The following COL14A1 variants were observed in gnomAD, a reference collection of about 807,000 sequenced individuals.
COL14A1 encodes the protein collagen type XIV alpha 1 chain.
In COL14A1, 136 loss-of-function variants were observed where a neutral mutation model predicts 230.3. The observed-to-expected ratio is 0.59, with a 90% CI of 0.51 to 0.68. COL14A1 has a LOEUF of 0.68. Ranked by LOEUF, COL14A1 falls within the 30% of genes least tolerant of loss-of-function variation. The pLI is 0.00. For missense variants in COL14A1, 1,976 were observed against 2,215.8 expected, an observed-to-expected ratio of 0.89 and a Z score of 2.17; for synonymous variants, 792 against 784.1, an observed-to-expected ratio of 1.01 and a Z score of -0.17.
intron 5 of COL14A1, among the ~76,000 whole-genome samples, chr8:120,194,722 C>T (rs2130701689): frequency 6.6e-6 from 1 of 152,114 alleles, no homozygotes; most frequent in African/African-American, 2.4e-5. Context: ...CACATGGTTC[C>T]CAATTAATTT....
Position 120,345,486 on chromosome 8 carries a change from C to A in COL14A1, c.5000C>A (p.Ala1667Asp), listed in dbSNP as rs746685189. The A allele has an allele frequency of 7.5e-6, 12 of 1,604,788 alleles. No homozygotes were observed. The highest frequency in any genetic ancestry group is 1.0e-5 in the Non-Finnish European group (12 of 1,175,936). ...CCTGGGAGGCCAGGCTCACCTGGAG[C>A]CCCTGGTGAACAAGGACCCCCAGGC... is the stretch of plus-strand genomic sequence containing the variant. ...GEPGRPGSPGAPGEQGPPGTP... is the reference protein window; with the variant it reads ...GEPGRPGSPGDPGEQGPPGTP... Residue 1667 changes from alanine to aspartate, a missense_variant, in exon 45 of 48, where the codon GCC becomes GAC. By Grantham distance (126) the Ala-to-Asp change is moderately radical (BLOSUM62 -2). This residue lies in a region of COL14A1 where 1,791 missense variants were observed against 2,019.5 expected (regional missense o/e 0.89). Transcript: ENST00000297848.
chr8:120,350,137 A>G (rs1362026979), intron 45 of COL14A1, among the ~76,000 whole-genome samples: 1 of 152,076 alleles, frequency 6.6e-6, no homozygotes, highest in East Asian at 1.9e-4. Context: ...AGCCAAACTA[A>G]GCTTCCTAAG....
At chr8:120,254,907 G>A (rs1819094101) in intron 22 of COL14A1, among the ~76,000 whole-genome samples, 1 of 151,858 alleles carries the variant, frequency 6.6e-6, no homozygotes, top group African/African-American at 2.4e-5. Flanking sequence ...TGGGAGGATT[G>A]CTGGAGCCCA....
At chr8:120,286,699 C>T (rs996331280) in intron 33 of COL14A1, among the ~76,000 whole-genome samples, 2 of 151,916 alleles carry the variant, frequency 1.3e-5, no homozygotes, top group African/African-American at 2.4e-5. Context: ...TTAGTGGAGC[C>T]AGGATTTCAC....
chr8:120,181,794 A>T (rs1816472462), intron 5 of COL14A1, among the ~76,000 whole-genome samples: 1 of 152,134 alleles, frequency 6.6e-6, no homozygotes, highest in South Asian at 2.1e-4. Flanking sequence ...CCCCCAAAAA[A>T]TACAAAAATT....
chr8:120,143,432 C>T (rs1814982693), intron 1 of COL14A1, among the ~76,000 whole-genome samples: 1 of 152,118 alleles, frequency 6.6e-6, no homozygotes, highest in Non-Finnish European at 1.5e-5. Flanking sequence ...GCCTGGCCAA[C>T]AGGGTGAAAC....
At chr8:120,160,164 G>A (rs1815616222) in intron 3 of COL14A1, among the ~76,000 whole-genome samples, 1 of 151,930 alleles carries the variant, frequency 6.6e-6, no homozygotes, top group Admixed American at 6.6e-5. Context: ...ACTCAGTTAT[G>A]AAATTTCTTT....
intron 4 of COL14A1, among the ~76,000 whole-genome samples, chr8:120,165,186 A>C (rs1815823216): frequency 6.6e-6 from 1 of 152,232 alleles, no homozygotes; most frequent in Non-Finnish European, 1.5e-5. Flanking sequence ...TCCCTTTTGC[A>C]TTTCATTTAT....
chr8:120,249,816 G>A (rs1818884304), intron 21 of COL14A1, among the ~76,000 whole-genome samples: 2 of 152,166 alleles, frequency 1.3e-5, no homozygotes, highest in Admixed American at 1.3e-4. Flanking sequence ...TGCATTGTAC[G>A]TGTGGGGCAT....
At chr8:120,195,191 G>C (rs545598573) in intron 5 of COL14A1, among the ~76,000 whole-genome samples, 7 of 152,092 alleles carry the variant, frequency 4.6e-5, no homozygotes, top group African/African-American at 1.7e-4. Context: ...ATGTGGCCTG[G>C]TAGGCGCAGA....
intron 5 of COL14A1, among the ~76,000 whole-genome samples, chr8:120,189,213 C>A (rs559809774): frequency 6.6e-6 from 1 of 152,242 alleles, no homozygotes; most frequent in African/African-American, 2.4e-5. Flanking sequence ...CACAGGCAAA[C>A]CTGTTGATGG....
At chr8:120,340,037 C>CAA (rs530829054) in intron 42 of COL14A1, among the ~76,000 whole-genome samples, 36 of 77,670 alleles carry the variant, frequency 4.6e-4, no homozygotes, top group African/African-American at 1.1e-3. Flanking sequence ...GACTGCGTCT[C>CAA]AAAAAAAAAA....
At chr8:120,138,342 A>C (rs1023432191) in intron 1 of COL14A1, among the ~76,000 whole-genome samples, 1 of 152,134 alleles carries the variant, frequency 6.6e-6, no homozygotes, top group East Asian at 1.9e-4. Flanking sequence ...TATCATTCTG[A>C]AATGTCCAGG....
chr8:120,193,627 G>A (rs1038768285), intron 5 of COL14A1, among the ~76,000 whole-genome samples: 2 of 152,156 alleles, frequency 1.3e-5, no homozygotes, highest in African/African-American at 4.8e-5. Flanking sequence ...CTGTCTTTTT[G>A]TTTGTCTGTG....
In COL14A1 at chr8:120,349,562, C is replaced by T. The variant is rs970735169; in HGVS notation, c.5077+3999C>T. 2.2e-5 allele frequency among the ~76,000 whole-genome samples: 3 copies of T among 134,588 alleles called. No individual in the cohort carries two copies. In the Admixed American group the frequency reaches 2.2e-4, roughly 10 times the overall value. 88.3% of individuals were successfully genotyped at this position (134,588 alleles called of 152,430 possible). A position where few individuals can be genotyped will look rare whatever the true frequency, so the allele number is the denominator to read the frequency against. ...TTAAAGGAGCTGATGGAGCTGAAAA[C>T]CAAGGCTCGAGAACTACGTGAAGAA... On this transcript the variant is annotated intron_variant, in intron 45 of 47. Transcript: ENST00000297848.
rs112214094 is a variant in COL14A1 at position 120,172,187 on chromosome 8, G to T, written c.436+3940G>T. Among the ~76,000 whole-genome samples, 1,280 of 152,130 alleles carry T rather than the reference G, an allele frequency of 8.4e-3. 22 individuals carry two copies. Among genetic ancestry groups the T allele is most frequent in the African/African-American group, 0.03 (1,237 of 41,516 alleles). On this transcript the variant is annotated intron_variant, in intron 5 of 47. Coordinates refer to ENST00000297848, the MANE Select transcript of COL14A1 (RefSeq NM_021110.4). ...TTTGTTTGAGATGGAGTCTCTCTCT[G>T]TTGCCCAGACAGGAGTGCAGTAGTG...
At chr8:120,315,505 T>C in intron 38 of COL14A1, 28 bp from the exon 39 acceptor site, 1 of 1,595,576 alleles carries the variant, frequency 6.3e-7, no homozygotes, top group Non-Finnish European at 8.6e-7. Context: ...CTATGTGAAC[T>C]TAACTCTGTA....
intron 42 of COL14A1, among the ~76,000 whole-genome samples, chr8:120,334,013 A>T (rs1011175197): frequency 1.4e-4 from 22 of 152,212 alleles, no homozygotes; most frequent in African/African-American, 5.3e-4. Context: ...CACATAAGGT[A>T]ACATATTCAC....
intron 5 of COL14A1, among the ~76,000 whole-genome samples, chr8:120,175,121 T>A (rs1816237395): frequency 6.6e-6 from 1 of 152,246 alleles, no homozygotes; most frequent in South Asian, 2.1e-4. Flanking sequence ...AGAGTTAAGA[T>A]CCTTAACAGA....
Sources: gnomAD v4.1 joint callset for allele counts (sites outside exome capture counted in the v4.1 genomes callset) on GRCh38, gnomAD v4.1.1 for gene constraint, gnomAD v4.1.1 regional missense constraint, MANE v1.5 for transcripts, NCBI Gene and HGNC (gene_info 2026-07-23, HGNC 2026-07-21) for gene names.